The following TRIM24 variants were observed in gnomAD, a reference collection of about 807,000 sequenced individuals.
TRIM24 encodes the protein tripartite motif containing 24, also known as transcription intermediary factor 1-alpha.
In TRIM24, 29 loss-of-function variants were observed where a neutral mutation model predicts 123.9. That is an observed-to-expected ratio of 0.23 (90% CI 0.17 to 0.32). The LOEUF is 0.32. Among genes scored for constraint, TRIM24 ranks in the 10% least tolerant of loss-of-function variants. The probability of loss-of-function intolerance (pLI) is 1.00; values close to 1 mark genes in which losing one functional copy is unlikely to be tolerated. For synonymous variants in TRIM24, 456 were observed against 461.1 expected (o/e 0.99, Z 0.14); for missense variants, 932 against 1,295.3 (o/e 0.72, Z 4.31).
intron 2 of TRIM24, among the ~76,000 whole-genome samples, chr7:138,512,185 G>A (rs1796303772): frequency 6.6e-6 from 1 of 152,202 alleles, no homozygotes; most frequent in Non-Finnish European, 1.5e-5. Flanking sequence ...CTACCCCTGT[G>A]GCTTTGCAGG....
intron 1 of TRIM24, among the ~76,000 whole-genome samples, chr7:138,493,801 A>T (rs1420505539): frequency 3.9e-5 from 6 of 152,132 alleles, no homozygotes; most frequent in African/African-American, 1.4e-4. Context: ...TAGCTGGTTT[A>T]TGCATGCCAG....
chr7:138,483,544 A>G (rs1436034217), intron 1 of TRIM24, among the ~76,000 whole-genome samples: 1 of 152,256 alleles, frequency 6.6e-6, no homozygotes, highest in Admixed American at 6.5e-5. Flanking sequence ...TTTTATAAGC[A>G]TATAGATATT....
chr7:138,567,329 TC>T, intron 9 of TRIM24, 151 bp from the exon 10 acceptor site: 1 of 631,680 alleles, frequency 1.6e-6, no homozygotes, highest in Non-Finnish European at 2.4e-6. Context: ...AGTCTGCCCA[TC>T]CCCCACCCCT....
intron 1 of TRIM24, among the ~76,000 whole-genome samples, chr7:138,493,778 GAAT>G: frequency 6.6e-6 from 1 of 152,092 alleles, no homozygotes; most frequent in Non-Finnish European, 1.5e-5. Flanking sequence ...CAGGACTATG[GAAT>G]GGGTCATGGT....
chr7:138,460,743 C>T lies in TRIM24; in HGVS notation c.195C>T (p.Ser65=), dbSNP rs1248217764. ...CCGTGTGCCACCAGAACATCCAGAG[C>T]CGGGCGCCCAAGCTGCTGCCCTGCC... The part of the protein sequence containing the change: ...TCAVCHQNIQ[S]RAPKLLPCLH... The change falls in exon 1 of 19, where the codon AGC becomes AGT. Residue 65 remains serine, a synonymous_variant. Coordinates refer to ENST00000343526, the MANE Select transcript of TRIM24 (RefSeq NM_015905.3). 1 of 1,577,052 alleles carries T rather than the reference C, an allele frequency of 6.3e-7. No individual in the cohort carries two copies. The highest frequency in any genetic ancestry group is 8.6e-7 in the Non-Finnish European group (1 of 1,164,726).
At chr7:138,537,049 C>G (rs1426015809) in intron 6 of TRIM24, among the ~76,000 whole-genome samples, 2 of 152,090 alleles carry the variant, frequency 1.3e-5, no homozygotes, top group Non-Finnish European at 2.9e-5. Context: ...GTGCTGTTTG[C>G]TAAGTCCGTT....
At chr7:138,523,377 G>A (rs1796541783) in intron 4 of TRIM24, among the ~76,000 whole-genome samples, 1 of 152,164 alleles carries the variant, frequency 6.6e-6, no homozygotes, top group African/African-American at 2.4e-5. Context: ...GTCTTTTAAT[G>A]TTCATTCATA....
chr7:138,536,745 C>T (rs1796884394), intron 6 of TRIM24, among the ~76,000 whole-genome samples: 1 of 152,240 alleles, frequency 6.6e-6, no homozygotes, highest in African/African-American at 2.4e-5. Context: ...TCAAAGCTGT[C>T]AGACAGGGAC....
chr7:138,530,215 G>C (rs1796700686), intron 6 of TRIM24, among the ~76,000 whole-genome samples: 1 of 150,616 alleles, frequency 6.6e-6, no homozygotes, highest in African/African-American at 2.4e-5. Context: ...ATTTGTTCAA[G>C]GTCTGTGACT....
intron 6 of TRIM24, among the ~76,000 whole-genome samples, chr7:138,535,493 A>G (rs915610216): frequency 6.6e-6 from 1 of 152,160 alleles, no homozygotes; most frequent in Non-Finnish European, 1.5e-5. Context: ...TTGGCTAGAT[A>G]TGAAATTCTG....
intron 18 of TRIM24, among the ~76,000 whole-genome samples, chr7:138,584,447 A>G (rs1044072107): frequency 2.6e-5 from 4 of 152,276 alleles, no homozygotes; most frequent in Non-Finnish European, 5.9e-5. Flanking sequence ...AATTTGTTCT[A>G]AAAATACCTG....
intron 17 of TRIM24, 28 bp from the exon 18 acceptor site, chr7:138,583,822 G>C: frequency 6.9e-7 from 1 of 1,456,786 alleles, no homozygotes; most frequent in Non-Finnish European, 9.4e-7. Flanking sequence ...TTAGCTATTT[G>C]TATTATAACA....
At chr7:138,571,180 A>T (rs527264906) in intron 11 of TRIM24, among the ~76,000 whole-genome samples, 177 bp downstream of exon 11, 121 of 152,174 alleles carry the variant, frequency 8.0e-4, no homozygotes, top group African/African-American at 2.8e-3. Context: ...AAAATACAAA[A>T]ATTAACCAGG....
At position 138,583,901 on chromosome 7, in the gene TRIM24, A is replaced by C. The variant is rs1337807458; in HGVS notation, c.2845A>C (p.Lys949Gln). The change falls in exon 18 of 19, where the codon AAG (lysine) becomes CAG (glutamine). Residue 949 changes from lysine to glutamine, a missense_variant. This residue lies in a region of TRIM24 where 104 missense variants were observed against 121.5 expected (regional missense o/e 0.86). Transcript: ENST00000343526. ...IKNPMDLSTIKKRLQEDYSMY... is the reference protein window; with the variant it reads ...IKNPMDLSTIQKRLQEDYSMY... ...AAATCCAATGGATTTGTCAACCATC[A>C]AGAAAAGACTACAAGAAGATTATTC... The C allele has an allele frequency of 3.7e-6, 6 of 1,600,316 alleles. No homozygotes were observed. The highest frequency in any genetic ancestry group is 5.1e-6 in the Non-Finnish European group (6 of 1,174,982).
At position 138,519,141 on chromosome 7, in the gene TRIM24, A is replaced by C. The variant is rs10273134; in HGVS notation, c.632-48A>C. The C allele has an allele frequency of 4.0e-3, 6,416 of 1,609,646 alleles. 226 individuals are homozygous for C. In the African/African-American group the frequency reaches 0.075, roughly 19 times the overall value. Reference sequence around the variant, plus strand: ...ATGAGCAATCTAATAATTATTTACTATTCAATTATGTTAATTTTCTTCTCT... The same window carrying C: ...ATGAGCAATCTAATAATTATTTACTCTTCAATTATGTTAATTTTCTTCTCT... On this transcript the variant is annotated intron_variant, in intron 3 of 18. Coordinates refer to ENST00000343526, the MANE Select transcript of TRIM24 (RefSeq NM_015905.3).
rs368869924 is a variant in TRIM24, at chr7:138,580,663, G to T, written c.2687G>T (p.Gly896Val). ...AACTCAGAAAAAAAGAAAACTGAAG[G>T]CCTTGTTAAGTTAACACCTATAGAT... ...SHNSEKKKTE[G>V]LVKLTPIDKR... The change falls in exon 16 of 19, where the codon GGC (glycine) becomes GTC (valine). Residue 896 changes from glycine (G) to valine (V), a missense_variant. Gly to Val is a moderately radical substitution (Grantham distance 109). Transcript: ENST00000343526. The T allele has an allele frequency of 1.9e-6, 3 of 1,613,796 alleles. No homozygotes were observed.
Position 138,579,464 on chromosome 7 carries a change from C to T in TRIM24, c.2517C>T (p.Leu839=). The T allele has an allele frequency of 6.2e-7, 1 of 1,614,168 alleles. No individual in the cohort carries two copies. Among genetic ancestry groups the T allele is most frequent in the Non-Finnish European group, 8.5e-7 (1 of 1,180,010 alleles). The change falls in exon 15 of 19, where the codon CTC becomes CTT. Residue 839 remains leucine (L), a synonymous_variant. Coordinates refer to ENST00000343526, the MANE Select transcript of TRIM24 (RefSeq NM_015905.3). ...CAVCQNGGEL[L]CCEKCPKVFH... ...TTTGTCAAAACGGAGGGGAACTCCT[C>T]TGCTGTGAAAAGTGCCCCAAAGTAT...
chr7:138,577,573 A>C lies in TRIM24; in HGVS notation c.2241A>C (p.Glu747Asp), dbSNP rs745853408. The C allele has an allele frequency of 6.2e-7, 1 of 1,604,734 alleles. No homozygotes were observed. The highest frequency in any genetic ancestry group is 1.7e-5 in the Admixed American group (1 of 58,326). The change falls in exon 14 of 19, where the codon GAA (glutamate) becomes GAC (aspartate). Residue 747 changes from glutamate (E) to aspartate (D), a missense_variant. Glu to Asp is a conservative substitution (Grantham distance 45, BLOSUM62 2). Coordinates refer to ENST00000343526, the MANE Select transcript of TRIM24 (RefSeq NM_015905.3). Reference sequence around the variant, plus strand: ...TAGTGAAGCAAGAATCAGATGAAGAATCTAGGCCTCAAAATGTAATTATGA... The same window carrying C: ...TAGTGAAGCAAGAATCAGATGAAGACTCTAGGCCTCAAAATGTAATTATGA... Reference protein sequence around the residue: ...VVIVKQESDEESRPQNANYPR... With the variant: ...VVIVKQESDEDSRPQNANYPR...
At chr7:138,499,085 T>G (rs1168652268) in intron 1 of TRIM24, among the ~76,000 whole-genome samples, 1 of 152,188 alleles carries the variant, frequency 6.6e-6, no homozygotes, top group Non-Finnish European at 1.5e-5. Flanking sequence ...TTTGTCTTTT[T>G]TTTTAATTTT....
Sources: allele counts gnomAD v4.1 joint callset (sites outside exome capture counted in the v4.1 genomes callset), GRCh38; gene constraint gnomAD v4.1.1; regional missense constraint gnomAD v4.1.1; transcripts MANE v1.5; gene names NCBI Gene and HGNC (gene_info 2026-07-23, HGNC 2026-07-21).